Variants in LAIR1 observed in about 807,000 individuals in gnomAD.
LAIR1 encodes the protein leukocyte associated immunoglobulin like receptor 1.
In LAIR1, 24 loss-of-function variants were observed where a neutral mutation model predicts 32.8. That is an observed-to-expected ratio of 0.73 (90% CI 0.53 to 1.03). LAIR1 has a LOEUF of 1.03. Among genes scored for constraint, LAIR1 ranks in the 50% least tolerant of loss-of-function variants. The pLI, the probability that LAIR1 is intolerant of heterozygous loss-of-function variation, is 0.00. For synonymous variants in LAIR1, 150 were observed against 140.5 expected (o/e 1.07, Z -0.48); for missense variants, 355 against 347.5 (o/e 1.02, Z -0.17).
chr19:54,355,821 C>G lies in LAIR1; in HGVS notation c.717+133G>C, dbSNP rs192979196. The G allele has an allele frequency of 7.3e-5, 50 of 686,358 alleles. No homozygotes were observed. The Admixed American group carries it at 1.1e-3, about 15-fold the overall frequency. 42.5% of individuals were successfully genotyped at this position (686,358 alleles called of 1,614,324 possible). On this transcript the variant is annotated intron_variant, in intron 9 of 9. Coordinates refer to ENST00000391742, the MANE Select transcript of LAIR1 (RefSeq NM_002287.6). This position sits in a 1 kb window ranked among gnomAD's most constrained non-coding sequence, Gnocchi z 4.7. The stretch of plus-strand genomic sequence containing the variant: ...ATGCACACAGCCCTGGGCGACCTCT[C>G]GACAGCAACCTCAGGACAGGCCGTG...
chr19:54,355,849 C>T lies in LAIR1; in HGVS notation c.717+105G>A. 1.2e-6 allele frequency: 1 copy of T among 804,800 alleles called. No individual in the cohort carries two copies. Among genetic ancestry groups the T allele is most frequent in the Non-Finnish European group, 2.2e-6 (1 of 463,920 alleles). 49.9% of individuals were successfully genotyped at this position (804,800 alleles called of 1,614,324 possible). On this transcript the variant is annotated intron_variant, in intron 9 of 9. Transcript: ENST00000391742. The surrounding 1 kb of genome is among the most constrained non-coding windows in gnomAD (Gnocchi z 4.7). The stretch of plus-strand genomic sequence containing the variant: ...CAGCAACCTCAGGACAGGCCGTGAG[C>T]CGGAACCGCCCAGCTGAGCCACTCC...
At position 54,355,259 on chromosome 19, in the gene LAIR1, G is replaced by A. The variant is rs55799769; in HGVS notation, c.*9C>T. 2.0e-3 allele frequency: 3,161 copies of A among 1,594,554 alleles called. 4 individuals are homozygous for A. Among genetic ancestry groups the A allele is most frequent in the Non-Finnish European group, 2.5e-3 (2,909 of 1,169,674 alleles). On this transcript the variant is annotated 3_prime_UTR_variant, in exon 10 of 10. Transcript: ENST00000391742. This position sits in a 1 kb window ranked among gnomAD's most constrained non-coding sequence, Gnocchi z 4.7. ...TACCCTCAGGTGCAGAGGCCAGGTG[G>A]GTATGGGGTCAGTGTCTGGCAACGG...
rs763762622 is a variant in LAIR1, at chr19:54,356,580, T to G, written c.494A>C (p.Tyr165Ser). 27 of 1,613,884 alleles carry G rather than the reference T, an allele frequency of 1.7e-5. No homozygotes were observed. Among genetic ancestry groups the G allele is most frequent in the Admixed American group, 3.3e-5 (2 of 60,004 alleles). The change falls in exon 6 of 10, where the codon TAT becomes TCT. Residue 165 changes from tyrosine to serine, a missense_variant. Transcript: ENST00000391742. ...GACCACTGAGACCCCGATGAGAATA[T>G]ACAGATGCTCAGCTTTCAGGCCTTG... Reference protein sequence around the residue: ...ASQGLKAEHLYILIGVSVVFL... With the variant: ...ASQGLKAEHLSILIGVSVVFL...
chr19:54,372,550 G>A (rs569802999), upstream of LAIR1, among the ~76,000 whole-genome samples: 103 of 148,770 alleles, frequency 6.9e-4, 3 homozygotes, highest in Middle Eastern at 3.4e-3. Context: ...GAGTGCAATG[G>A]CATGATCTTG....
the LAIR1 span, among the ~76,000 whole-genome samples, chr19:54,376,015 TTCCAACTTTGGGG>T: frequency 6.6e-6 from 1 of 151,808 alleles, no homozygotes; most frequent in East Asian, 1.9e-4. Flanking sequence ...GCCCAGATTC[TTCCAACTTTGGGG>T]TCCAACCTCC....
At chr19:54,365,143 G>A (rs144916628), upstream of LAIR1, 19 of 1,000,632 alleles carry the variant, frequency 1.9e-5, no homozygotes, top group East Asian at 1.6e-4. Flanking sequence ...TGACTTGGAC[G>A]CCGTCCCAAC....
In LAIR1 at chr19:54,355,902, T is replaced by G; in HGVS notation, c.717+52A>C. 1 of 1,287,508 alleles carries G rather than the reference T, an allele frequency of 7.8e-7. No individual in the cohort carries two copies. The highest frequency in any genetic ancestry group is 1.2e-5 in the South Asian group (1 of 84,938). The allele number at this position is 1,287,508 out of a possible 1,614,324, so 79.8% of individuals were successfully genotyped here. A position where few individuals can be genotyped will look rare whatever the true frequency, so the allele number is the denominator to read the frequency against. ...AATTCCTAACCCAAGGAACTGAGAT[T>G]TTTTTAAGCTGCTAAATTTGGGGTA... On this transcript the variant is annotated intron_variant, in intron 9 of 9. Coordinates refer to ENST00000391742, the MANE Select transcript of LAIR1 (RefSeq NM_002287.6). The surrounding 1 kb of genome is among the most constrained non-coding windows in gnomAD (Gnocchi z 4.7).
rs1360695826 is a variant in LAIR1 at position 54,361,157 on chromosome 19, CA to C, written c.122del (p.Leu41ArgfsTer5). On this transcript the variant is annotated frameshift_variant, in exon 3 of 10. Transcript: ENST00000391742. LOFTEE classifies it high-confidence loss of function. ...GGCACACGAAAGTCACATGGCTCCC[CA>C]GGGGGATCACGGTGCCTGGCTCAGC... ...ISAEPGTVIP[L>X]GSHVTFVCRG... The C allele has an allele frequency of 5.6e-6, 9 of 1,614,092 alleles. No homozygotes were observed. The highest frequency in any genetic ancestry group is 1.3e-5 in the African/African-American group (1 of 74,936).
chr19:54,355,549 C>T lies in LAIR1; in HGVS notation c.718-135G>A. The T allele has an allele frequency of 1.4e-6, 1 of 729,154 alleles. No individual in the cohort carries two copies. Among genetic ancestry groups the T allele is most frequent in the Non-Finnish European group, 2.2e-6 (1 of 455,366 alleles). The allele number at this position is 729,154 out of a possible 1,614,324, so 45.2% of individuals were successfully genotyped here. ...CTAAATTGCATCCGTGTGAAGAGCC[C>T]TCCCACAGGGTATTGGGGTTGGTTT... On this transcript the variant is annotated intron_variant, in intron 9 of 9. Transcript: ENST00000391742. The surrounding 1 kb of genome is among the most constrained non-coding windows in gnomAD (Gnocchi z 4.7).
In LAIR1 at chr19:54,351,490, T is replaced by C. The variant is rs1415128295; in HGVS notation, c.*3778A>G. On this transcript the variant is annotated 3_prime_UTR_variant, in exon 10 of 10. Transcript: ENST00000391742. ...ACGTAAAATCTTTGGTGCAATCAAGTGCATACTGCTTCCCAGATCCTACAA... is the reference window on the plus strand; with the variant it reads ...ACGTAAAATCTTTGGTGCAATCAAGCGCATACTGCTTCCCAGATCCTACAA... 6.6e-6 allele frequency: 1 copy of C among 152,238 alleles called. No individual in the cohort carries two copies. The highest frequency in any genetic ancestry group is 1.5e-5 in the Non-Finnish European group (1 of 68,038). 9.4% of individuals were successfully genotyped at this position (152,238 alleles called of 1,614,324 possible).
rs1375712444 is a variant in LAIR1, at chr19:54,353,839, TCTC to T, written c.*1426_*1428del. 2.0e-5 allele frequency: 3 copies of T among 148,296 alleles called. No individual in the cohort carries two copies. The highest frequency in any genetic ancestry group is 7.4e-5 in the African/African-American group (3 of 40,376). 9.2% of individuals were successfully genotyped at this position (148,296 alleles called of 1,614,324 possible). The stretch of plus-strand genomic sequence containing the variant: ...ACTCCGCCTCCCGGGTTCACGCCAT[TCTC>T]CTCCCTCAGCCTCCCGAGTAGCTGG... On this transcript the variant is annotated 3_prime_UTR_variant, in exon 10 of 10. Transcript: ENST00000391742.
intron 2 of LAIR1, among the ~76,000 whole-genome samples, chr19:54,362,149 G>C (rs1296699874): frequency 6.6e-6 from 1 of 152,116 alleles, no homozygotes. Context: ...CTCACTTTGC[G>C]TAGTTAATTG....
chr19:54,360,877 C>G, intron 3 of LAIR1, 39 bp downstream of exon 3: 1 of 1,584,866 alleles, frequency 6.3e-7, no homozygotes. Flanking sequence ...GCTCGAGGGT[C>G]GAGCTGAGAC....
chr19:54,375,210 C>T (rs1443867040), upstream of LAIR1, among the ~76,000 whole-genome samples: 9 of 152,188 alleles, frequency 5.9e-5, no homozygotes, highest in Non-Finnish European at 1.0e-4. Context: ...TTGATCTAAC[C>T]AGACATGGGC....
In LAIR1 at chr19:54,353,423, AC is replaced by A. The variant is rs967323032; in HGVS notation, c.*1844del. ...TTAAAATTGGGTAGGCCAGTCAGGT[AC>A]CACCCTCTTTGAACCAGCACAGAAA... On this transcript the variant is annotated 3_prime_UTR_variant, in exon 10 of 10. Transcript: ENST00000391742. 1.3e-4 allele frequency: 20 copies of A among 152,316 alleles called. No individual in the cohort carries two copies. The highest frequency in any genetic ancestry group is 4.6e-4 in the African/African-American group (19 of 41,572). 9.4% of individuals were successfully genotyped at this position (152,316 alleles called of 1,614,324 possible).
Position 54,364,150 on chromosome 19 carries a change from G to T in LAIR1, c.70+145C>A, listed in dbSNP as rs897417282. 4.0e-6 allele frequency: 4 copies of T among 1,005,452 alleles called. No individual in the cohort carries two copies. The highest frequency in any genetic ancestry group is 6.0e-6 in the Non-Finnish European group (4 of 665,510). The allele number at this position is 1,005,452 out of a possible 1,614,324, so 62.3% of individuals were successfully genotyped here. On this transcript the variant is annotated intron_variant, in intron 2 of 9. Coordinates refer to ENST00000391742, the MANE Select transcript of LAIR1 (RefSeq NM_002287.6). This position sits in a 1 kb window ranked among gnomAD's most constrained non-coding sequence, Gnocchi z 4.8. ...AGAGAACTGGGTGAGGGTTGGTTAT[G>T]CATTTTACATTTGGAAGAGTTTGCA...
chr19:54,372,491 C>CTTTCT (rs370348146), upstream of LAIR1, among the ~76,000 whole-genome samples: 95 of 131,524 alleles, frequency 7.2e-4, 2 homozygotes, highest in East Asian at 0.02. Context: ...TTCTTTCTTT[C>CTTTCT]TTTTTTTTTT....
rs2082151872 is a variant in LAIR1 at position 54,364,197 on chromosome 19, A to C, written c.70+98T>G. 2.9e-6 allele frequency: 4 copies of C among 1,379,752 alleles called. No individual in the cohort carries two copies. Among genetic ancestry groups the C allele is most frequent in the Non-Finnish European group, 3.1e-6 (3 of 978,376 alleles). 85.5% of individuals were successfully genotyped at this position (1,379,752 alleles called of 1,614,324 possible). On this transcript the variant is annotated intron_variant, in intron 2 of 9. Coordinates refer to ENST00000391742, the MANE Select transcript of LAIR1 (RefSeq NM_002287.6). The surrounding 1 kb of genome is among the most constrained non-coding windows in gnomAD (Gnocchi z 4.8). ...TGCAATCTAGGGTATATTTAAAGGG[A>C]TCTCTCCAGGCCCTCTAAGAATCAA...
In LAIR1 at chr19:54,370,295, A is replaced by G; in HGVS notation, c.-18T>C. The stretch of plus-strand genomic sequence containing the variant: ...CTTTCCATCTTCTGTCGCGGATGCA[A>G]CCCTGGAAGGAAGACCTCAGGACGA... On this transcript the variant is annotated 5_prime_UTR_variant, in exon 1 of 9. Transcript: ENST00000391743. 1.9e-5 allele frequency: 29 copies of G among 1,543,452 alleles called. 1 individual carries two copies. The highest frequency in any genetic ancestry group is 2.5e-5 in the Non-Finnish European group (29 of 1,144,260).
Sources: allele counts gnomAD v4.1 joint callset (sites outside exome capture counted in the v4.1 genomes callset), GRCh38; gene constraint gnomAD v4.1.1; non-coding constraint Gnocchi (gnomAD v3.1); transcripts MANE v1.5; gene names NCBI Gene and HGNC (gene_info 2026-07-23, HGNC 2026-07-21).